The following ZKSCAN1 variants were observed in gnomAD, a reference collection of about 807,000 sequenced individuals.
ZKSCAN1 encodes zinc finger with KRAB and SCAN domains 1, also known as zinc finger protein with KRAB and SCAN domains 1.
Under a neutral mutation model 51.6 loss-of-function variants are expected in ZKSCAN1, and 14 were observed. That is an observed-to-expected ratio of 0.27 (90% CI 0.18 to 0.42). The LOEUF (loss-of-function observed/expected upper bound fraction) is 0.42, where lower values mean the gene tolerates loss of function less well. ZKSCAN1 is among the 10% of genes least tolerant of loss of function. The pLI is 1.00. For missense variants in ZKSCAN1, 531 were observed against 710.0 expected, an observed-to-expected ratio of 0.75 and a Z score of 2.86; for synonymous variants, 263 against 261.5, an observed-to-expected ratio of 1.01 and a Z score of -0.06.
Position 100,038,021 on chromosome 7 carries a change from C to CA in ZKSCAN1, c.*3834dup, listed in dbSNP as rs563075382. 1.7e-3 allele frequency: 1,367 copies of CA among 807,146 alleles called. No homozygotes were observed. The highest frequency in any genetic ancestry group is 2.1e-3 in the South Asian group (38 of 17,686). 50.0% of individuals were successfully genotyped at this position (807,146 alleles called of 1,614,324 possible). ...TGAGTGACAGAGCGAGGCTCTGTATCAAAAAAAAAAGTTGCGGGGGGGTGC... is the reference window on the plus strand; with the variant it reads ...TGAGTGACAGAGCGAGGCTCTGTATCAAAAAAAAAAAGTTGCGGGGGGGTGC... On this transcript the variant is annotated 3_prime_UTR_variant, in exon 6 of 6. Transcript: ENST00000324306.
Position 100,040,909 on chromosome 7 carries a change from G to T in ZKSCAN1, c.*6712G>T, listed in dbSNP as rs1194804440. 4.1e-6 allele frequency: 4 copies of T among 985,242 alleles called. No homozygotes were observed. The highest frequency in any genetic ancestry group is 1.7e-5 in the African/African-American group (1 of 57,208). The allele number at this position is 985,242 out of a possible 1,614,324, so 61.0% of individuals were successfully genotyped here. ...TTATTTGAAAACATCTATGATGGGG[G>T]TGGGGTGGGAGGAGACAGGTTGTGG... On this transcript the variant is annotated 3_prime_UTR_variant, in exon 6 of 6. Coordinates refer to ENST00000324306, the MANE Select transcript of ZKSCAN1 (RefSeq NM_003439.4).
intron 1 of ZKSCAN1, among the ~76,000 whole-genome samples, chr7:100,020,346 A>T (rs1455980016): frequency 1.3e-5 from 2 of 152,096 alleles, no homozygotes; most frequent in African/African-American, 4.8e-5. Context: ...GGGGGGATTG[A>T]TGGGAAAAGA....
At chr7:100,022,409 A>G (rs1790630294) in intron 1 of ZKSCAN1, among the ~76,000 whole-genome samples, 1 of 152,264 alleles carries the variant, frequency 6.6e-6, no homozygotes, top group Admixed American at 6.5e-5. Context: ...AAACCAGTCT[A>G]CATCACAATG....
chr7:100,041,124 T>G lies in ZKSCAN1; in HGVS notation c.*6927T>G. On this transcript the variant is annotated 3_prime_UTR_variant, in exon 6 of 6. Coordinates refer to ENST00000324306, the MANE Select transcript of ZKSCAN1 (RefSeq NM_003439.4). ...AGGGCTAACTCAGGCATTGTCTTGT[T>G]TATTTGTAGACTGGATTAAAAACAA... 1.2e-6 allele frequency: 1 copy of G among 819,204 alleles called. No homozygotes were observed. Among genetic ancestry groups the G allele is most frequent in the Non-Finnish European group, 1.5e-6 (1 of 678,420 alleles). 50.7% of individuals were successfully genotyped at this position (819,204 alleles called of 1,614,324 possible).
intron 3 of ZKSCAN1, among the ~76,000 whole-genome samples, chr7:100,028,806 A>AAC (rs1373141113): frequency 6.6e-6 from 1 of 151,766 alleles, no homozygotes; most frequent in Non-Finnish European, 1.5e-5. Flanking sequence ...AAAAAAAAAA[A>AAC]AAAAAACAGT....
In ZKSCAN1 at chr7:100,041,676, ATC is replaced by A. The variant is rs1791601563; in HGVS notation, c.*7483_*7484del. ...AGTCATGGTAAAACAATAAATTATC[ATC>A]TCTAGGTGGCAGTGCTTGTGCTGGT... On this transcript the variant is annotated 3_prime_UTR_variant, in exon 6 of 6. Transcript: ENST00000324306. 36 of 985,200 alleles carry A rather than the reference ATC, an allele frequency of 3.7e-5. No homozygotes were observed. Among genetic ancestry groups the A allele is most frequent in the Non-Finnish European group, 4.3e-5 (36 of 829,882 alleles). The allele number at this position is 985,200 out of a possible 1,614,324, so 61.0% of individuals were successfully genotyped here. A position where few individuals can be genotyped will look rare whatever the true frequency, so the allele number is the denominator to read the frequency against.
chr7:100,025,115 A>G (rs1790768140), intron 3 of ZKSCAN1, among the ~76,000 whole-genome samples: 1 of 151,996 alleles, frequency 6.6e-6, no homozygotes, highest in African/African-American at 2.4e-5. Context: ...TTATTGAATT[A>G]TCAGCATTCC....
In ZKSCAN1 at chr7:100,038,767, G is replaced by A. The variant is rs943716673; in HGVS notation, c.*4570G>A. The stretch of plus-strand genomic sequence containing the variant: ...TCCCAGCACTTTGGGAGACCAAGGC[G>A]GGTGGATCACAAGGTCAGGAGATCG... On this transcript the variant is annotated 3_prime_UTR_variant, in exon 6 of 6. Coordinates refer to ENST00000324306, the MANE Select transcript of ZKSCAN1 (RefSeq NM_003439.4). 8 of 975,670 alleles carry A rather than the reference G, an allele frequency of 8.2e-6. No homozygotes were observed. Among genetic ancestry groups the A allele is most frequent in the Middle Eastern group, 5.2e-4 (1 of 1,920 alleles). 60.4% of individuals were successfully genotyped at this position (975,670 alleles called of 1,614,324 possible). A position where few individuals can be genotyped will look rare whatever the true frequency, so the allele number is the denominator to read the frequency against.
rs1442875102 is a variant in ZKSCAN1, at chr7:100,030,335, G to A, written c.759G>A (p.Arg253=). The change falls in exon 5 of 6, where the codon AGG becomes AGA. Residue 253 remains arginine, a synonymous_variant. Coordinates refer to ENST00000324306, the MANE Select transcript of ZKSCAN1 (RefSeq NM_003439.4). ...CQNLARRNLS[R]DNRQENYGSA... is the part of the protein sequence containing the mutation. ...ATCTGGCTCGGAGGAATCTCAGTAGGGACAACAGGCAGGAGAATTATGGGA... is the reference window on the plus strand; with the variant it reads ...ATCTGGCTCGGAGGAATCTCAGTAGAGACAACAGGCAGGAGAATTATGGGA... 4.3e-6 allele frequency: 7 copies of A among 1,614,112 alleles called. No homozygotes were observed. Among genetic ancestry groups the A allele is most frequent in the Non-Finnish European group, 5.9e-6 (7 of 1,180,018 alleles).
intron 1 of ZKSCAN1, among the ~76,000 whole-genome samples, chr7:100,021,037 C>T (rs1790564583): frequency 6.7e-6 from 1 of 149,770 alleles, no homozygotes; most frequent in African/African-American, 2.5e-5. Flanking sequence ...AACAAATAGG[C>T]TTAAGACCCA....
intron 3 of ZKSCAN1, among the ~76,000 whole-genome samples, chr7:100,027,747 CAAAAA>C (rs1199868325): frequency 1.5e-5 from 1 of 68,404 alleles, no homozygotes; most frequent in Non-Finnish European, 3.0e-5. Context: ...GATGCTGTCT[CAAAAA>C]AAAAAAAAAA....
chr7:100,025,931 C>G (rs891652422), intron 3 of ZKSCAN1, among the ~76,000 whole-genome samples: 1 of 151,942 alleles, frequency 6.6e-6, no homozygotes, highest in Non-Finnish European at 1.5e-5. Context: ...ACTGAAAATA[C>G]AAAAATTGGC....
chr7:100,029,802 T>C, intron 3 of ZKSCAN1, 59 bp from the exon 4 acceptor site: 1 of 1,536,904 alleles, frequency 6.5e-7, no homozygotes, highest in Non-Finnish European at 9.0e-7. Context: ...CCCGAGCCCT[T>C]CTTTGAGCAA....
At chr7:100,031,113 A>G (rs1167306268) in intron 5 of ZKSCAN1, among the ~76,000 whole-genome samples, 2 of 152,126 alleles carry the variant, frequency 1.3e-5, no homozygotes, top group African/African-American at 4.8e-5. Context: ...GAGTACAGCA[A>G]TAGGGAGGTC....
intron 5 of ZKSCAN1, among the ~76,000 whole-genome samples, chr7:100,032,139 C>T (rs1279604538): frequency 6.6e-6 from 1 of 152,184 alleles, no homozygotes; most frequent in Non-Finnish European, 1.5e-5. Context: ...ATAGAAAACT[C>T]ACAGAATTGG....
At chr7:100,030,054 A>G (rs891212145) in intron 4 of ZKSCAN1, 102 bp downstream of exon 4, 127 of 1,451,872 alleles carry the variant, frequency 8.7e-5, no homozygotes, top group Non-Finnish European at 1.2e-4. Flanking sequence ...CCCTGCTCTC[A>G]AAGAAGCCCC....
chr7:100,022,209 C>T (rs561596779), intron 1 of ZKSCAN1, among the ~76,000 whole-genome samples: 1 of 152,324 alleles, frequency 6.6e-6, no homozygotes, highest in African/African-American at 2.4e-5. Flanking sequence ...TGCCCGCCAC[C>T]GCGCCCAGCT....
chr7:100,021,610 T>C (rs910425522), intron 1 of ZKSCAN1, among the ~76,000 whole-genome samples: 4 of 152,192 alleles, frequency 2.6e-5, no homozygotes, highest in Non-Finnish European at 4.4e-5. Flanking sequence ...TAGACTGACA[T>C]TGGTTTTTAC....
intron 5 of ZKSCAN1, among the ~76,000 whole-genome samples, chr7:100,032,485 G>A (rs118099989): frequency 1.2e-4 from 18 of 152,120 alleles, no homozygotes; most frequent in Non-Finnish European, 2.5e-4. Context: ...CCAAATTTTT[G>A]TTGTTCCAAA....
Sources: gnomAD v4.1 joint callset for allele counts (sites outside exome capture counted in the v4.1 genomes callset) on GRCh38, gnomAD v4.1.1 for gene constraint, MANE v1.5 for transcripts, NCBI Gene and HGNC (gene_info 2026-07-23, HGNC 2026-07-21) for gene names.